SAMD3: variants seen among roughly 807,000 people sequenced by gnomAD.
SAMD3 encodes sterile alpha motif domain containing 3, also known as sterile alpha motif domain-containing protein 3.
Under a neutral mutation model 58.5 loss-of-function variants are expected in SAMD3, and 63 were observed. The ratio of observed to expected loss-of-function variants is 1.08; its 90% CI spans 0.88 to 1.33. The LOEUF (loss-of-function observed/expected upper bound fraction) is 1.33, where lower values mean the gene tolerates loss of function less well. Among genes scored for constraint, SAMD3 ranks in the 40% most tolerant of loss-of-function variants. The pLI, the probability that SAMD3 is intolerant of heterozygous loss-of-function variation, is 0.00. For missense variants in SAMD3, 604 were observed against 608.4 expected (o/e 0.99, Z 0.08); for synonymous variants, 220 against 210.3 (o/e 1.05, Z -0.40).
intron 2 of SAMD3, among the ~76,000 whole-genome samples, chr6:130,288,274 G>A (rs1168490747): frequency 6.6e-6 from 1 of 152,216 alleles, no homozygotes; most frequent in Non-Finnish European, 1.5e-5. Flanking sequence ...CAGGATGCCA[G>A]CAGGCTGGAA....
chr6:130,256,812 T>G (rs938445013), intron 2 of SAMD3, among the ~76,000 whole-genome samples: 1 of 152,240 alleles, frequency 6.6e-6, no homozygotes, highest in Non-Finnish European at 1.5e-5. Context: ...TACCATTAAA[T>G]GGATGAGTTT....
rs1192244520 is a variant in SAMD3 at position 130,146,036 on chromosome 6, T to C, written c.1169A>G (p.His390Arg). Residue 390 changes from histidine (H) to arginine (R), a missense_variant, in exon 10 of 12, where the codon CAT becomes CGT. Transcript: ENST00000439090. ...TTTCAACATGTCTTCATCTGTGTAA[T>C]GTTTCATTTTTTCTTGCAATACAAT... ...INIVLQEKMK[H>R]YTDEDMLKYM... The C allele has an allele frequency of 6.4e-7, 1 of 1,572,246 alleles. No individual in the cohort carries two copies. The highest frequency in any genetic ancestry group is 1.2e-5 in the South Asian group (1 of 82,064).
At chr6:130,252,674 GA>G (rs1338766774) in intron 2 of SAMD3, among the ~76,000 whole-genome samples, 1 of 152,188 alleles carries the variant, frequency 6.6e-6, no homozygotes, top group Admixed American at 6.5e-5. Context: ...TCTGCCGCCT[GA>G]AGTGTCGTTT....
chr6:130,246,707 A>T (rs1349786204), intron 2 of SAMD3, among the ~76,000 whole-genome samples: 5 of 152,102 alleles, frequency 3.3e-5, no homozygotes, highest in Non-Finnish European at 5.9e-5. Context: ...TCTGGCCAAC[A>T]TGGGAAACCC....
intron 2 of SAMD3, among the ~76,000 whole-genome samples, chr6:130,281,098 G>A (rs961830259): frequency 1.3e-5 from 2 of 149,620 alleles, no homozygotes; most frequent in Non-Finnish European, 3.0e-5. Context: ...ACAACATACT[G>A]TAATGCAAAT....
intron 2 of SAMD3, among the ~76,000 whole-genome samples, chr6:130,266,742 A>T (rs1248214770): frequency 6.6e-6 from 1 of 152,180 alleles, no homozygotes; most frequent in Non-Finnish European, 1.5e-5. Context: ...GGAATTATTA[A>T]ACCATCTTTC....
At chr6:130,327,109 T>TA in intron 1 of SAMD3, among the ~76,000 whole-genome samples, 1 of 152,200 alleles carries the variant, frequency 6.6e-6, no homozygotes, top group East Asian at 1.9e-4. Flanking sequence ...TACCTTCCTT[T>TA]CCTAGACTGT....
chr6:130,273,878 A>G (rs1774674921), intron 2 of SAMD3, among the ~76,000 whole-genome samples: 1 of 152,144 alleles, frequency 6.6e-6, no homozygotes, highest in South Asian at 2.1e-4. Context: ...TTGTAAAGTT[A>G]TTCTTAATAT....
intron 7 of SAMD3, among the ~76,000 whole-genome samples, chr6:130,178,478 G>A (rs1791954151): frequency 6.6e-6 from 1 of 152,102 alleles, no homozygotes; most frequent in African/African-American, 2.4e-5. Flanking sequence ...CTTTGGGCAT[G>A]TTTTCTAAGC....
At chr6:130,331,558 TA>T (rs1406952987) in intron 1 of SAMD3, among the ~76,000 whole-genome samples, 2 of 151,760 alleles carry the variant, frequency 1.3e-5, no homozygotes, top group African/African-American at 4.8e-5. Flanking sequence ...CCGTCTCTAC[TA>T]AAAAAATACA....
chr6:130,199,925 T>C (rs12197754), intron 5 of SAMD3, among the ~76,000 whole-genome samples: 32,220 of 152,010 alleles, frequency 0.21, 4,215 homozygotes, highest in East Asian at 0.44. Context: ...ATTACATGTC[T>C]GAAATGCATG....
At chr6:130,207,804 T>G (rs1795210761) in intron 5 of SAMD3, among the ~76,000 whole-genome samples, 1 of 152,164 alleles carries the variant, frequency 6.6e-6, no homozygotes, top group Non-Finnish European at 1.5e-5. Flanking sequence ...TGGGAGATCT[T>G]GAGGCACTGA....
intron 8 of SAMD3, among the ~76,000 whole-genome samples, chr6:130,165,475 A>T (rs921498882): frequency 6.6e-6 from 1 of 152,190 alleles, no homozygotes; most frequent in Non-Finnish European, 1.5e-5. Context: ...CATCCTTTGT[A>T]TTCTGCTTCA....
intron 7 of SAMD3, among the ~76,000 whole-genome samples, chr6:130,180,717 T>G (rs1792229515): frequency 6.6e-6 from 1 of 152,126 alleles, no homozygotes. Flanking sequence ...CATGTCTGGT[T>G]GTTACAACTG....
chr6:130,183,845 CAGAG>C (rs142020916), intron 7 of SAMD3, among the ~76,000 whole-genome samples: 1 of 150,180 alleles, frequency 6.7e-6, no homozygotes, highest in Admixed American at 6.6e-5. Flanking sequence ...GAGAGAGAGC[CAGAG>C]AGAGAGAGAG....
intron 1 of SAMD3, among the ~76,000 whole-genome samples, chr6:130,346,116 C>T: frequency 6.6e-6 from 1 of 152,204 alleles, no homozygotes; most frequent in Non-Finnish European, 1.5e-5. Context: ...CAAACAGGAA[C>T]AGCTACAGTC....
chr6:130,343,604 A>G (rs775883097), intron 1 of SAMD3, among the ~76,000 whole-genome samples: 1 of 152,106 alleles, frequency 6.6e-6, no homozygotes, highest in African/African-American at 2.4e-5. Context: ...TGGGTGTACT[A>G]AGAAGTAGCC....
chr6:130,222,238 C>T (rs1796255395), intron 1 of SAMD3, among the ~76,000 whole-genome samples: 1 of 152,132 alleles, frequency 6.6e-6, no homozygotes, highest in African/African-American at 2.4e-5. Flanking sequence ...AAGAATGTGC[C>T]TAAAGACATT....
In SAMD3 at chr6:130,320,016, G is replaced by A. The variant is rs549924991; in HGVS notation, c.-303-6923C>T. On this transcript the variant is annotated intron_variant, in intron 1 of 13. Transcript: ENST00000368134. ...CACACACACACATGCACACACACAC[G>A]TCCCCCAACACATTAAAAAATTGTG... is the stretch of plus-strand genomic sequence containing the variant. Among the ~76,000 whole-genome samples, 8 of 151,168 alleles carry A rather than the reference G, an allele frequency of 5.3e-5. No homozygotes were observed. The East Asian group carries it at 1.2e-3, about 22-fold the overall frequency.
Sources: allele counts gnomAD v4.1 joint callset (sites outside exome capture counted in the v4.1 genomes callset), GRCh38; gene constraint gnomAD v4.1.1; transcripts MANE v1.5; gene names NCBI Gene and HGNC (gene_info 2026-07-23, HGNC 2026-07-21).